TMEM169: variants seen among roughly 807,000 people sequenced by gnomAD.
The protein encoded by TMEM169 is transmembrane protein 169.
TMEM169 carries 18 observed loss-of-function variants against 27.3 expected under a neutral mutation model. That is an observed-to-expected ratio of 0.66 (90% CI 0.46 to 0.98). The LOEUF is 0.98. Ranked by LOEUF, TMEM169 falls within the 50% of genes least tolerant of loss-of-function variation. TMEM169 has a pLI of 0.00. For missense variants in TMEM169, 320 were observed against 368.6 expected (o/e 0.87, Z 1.08); for synonymous variants, 136 against 142.1 (o/e 0.96, Z 0.30).
At chr2:216,087,708 T>C (rs1559225196) in intron 1 of TMEM169, among the ~76,000 whole-genome samples, 2 of 152,194 alleles carry the variant, frequency 1.3e-5, no homozygotes, top group African/African-American at 4.8e-5. Flanking sequence ...ATAATAAAGG[T>C]ACCTACTTCA....
At position 216,100,070 on chromosome 2, in the gene TMEM169, A is replaced by C. The variant is rs542724514; in HGVS notation, c.422A>C (p.Glu141Ala). The change falls in exon 3 of 3, where the codon GAA (glutamate) becomes GCA (alanine). Residue 141 changes from glutamate (E) to alanine (A), a missense_variant. Glu to Ala is a moderately radical substitution (Grantham distance 107). Transcript: ENST00000437356. The part of the protein sequence containing the change: ...ELTKPKESSR[E>A]TTPEGRMACQ... ...ACCAAACCTAAAGAGTCATCAAGGG[A>C]AACGACGCCTGAAGGAAGAATGGCC... 6.2e-7 allele frequency: 1 copy of C among 1,614,180 alleles called. No homozygotes were observed. Among genetic ancestry groups the C allele is most frequent in the South Asian group, 1.1e-5 (1 of 91,082 alleles).
intron 1 of TMEM169, among the ~76,000 whole-genome samples, chr2:216,095,109 C>CTTTCTTTTTTTTTTTTTT (rs751748269): frequency 9.1e-6 from 1 of 110,484 alleles, no homozygotes; most frequent in Non-Finnish European, 1.7e-5. Flanking sequence ...TTTTTTCTTT[C>CTTTCTTTTTTTTTTTTTT]TTTTTTTTTT....
chr2:216,088,275 C>A (rs1207292334), intron 1 of TMEM169, among the ~76,000 whole-genome samples: 1 of 151,862 alleles, frequency 6.6e-6, no homozygotes, highest in Non-Finnish European at 1.5e-5. Context: ...CTGGCTAACA[C>A]GGTGAAACCC....
chr2:216,085,096 TCTC>T (rs1695965772), intron 1 of TMEM169, among the ~76,000 whole-genome samples: 1 of 152,150 alleles, frequency 6.6e-6, no homozygotes, highest in Non-Finnish European at 1.5e-5. Flanking sequence ...TTCAAACAAT[TCTC>T]CTGCCTCAGC....
At chr2:216,085,128 G>T (rs544103956) in intron 1 of TMEM169, among the ~76,000 whole-genome samples, 9 of 152,262 alleles carry the variant, frequency 5.9e-5, no homozygotes, top group African/African-American at 2.2e-4. Flanking sequence ...AAGCTGAGAC[G>T]ACAGGTGCGC....
At chr2:216,087,985 C>A (rs979808616) in intron 1 of TMEM169, among the ~76,000 whole-genome samples, 6 of 151,792 alleles carry the variant, frequency 4.0e-5, no homozygotes, top group Middle Eastern at 3.4e-3. Context: ...ATGGTGAAAC[C>A]CTGTCTGTAC....
intron 1 of TMEM169, among the ~76,000 whole-genome samples, chr2:216,085,988 T>C (rs1172378774): frequency 6.6e-6 from 1 of 152,132 alleles, no homozygotes; most frequent in East Asian, 1.9e-4. Context: ...TAAAAACCTG[T>C]TTTCCCTCCT....
At chr2:216,085,807 G>A (rs1695981149) in intron 1 of TMEM169, among the ~76,000 whole-genome samples, 1 of 151,658 alleles carries the variant, frequency 6.6e-6, no homozygotes, top group Non-Finnish European at 1.5e-5. Context: ...GGAGGCAGAA[G>A]TTGTGGTGAG....
At position 216,096,261 on chromosome 2, in the gene TMEM169, A is replaced by C. The variant is rs375885920; in HGVS notation, c.271+27A>C. On this transcript the variant is annotated intron_variant, in intron 2 of 2. Transcript: ENST00000437356. ...TAAGTCTCTCTAGCCCACTTGTTTA[A>C]AGCCATGGGAAGGAAACCAAAAGGG... The C allele has an allele frequency of 1.3e-5, 20 of 1,594,222 alleles. No individual in the cohort carries two copies. In the African/African-American group the frequency reaches 2.6e-4, roughly 20 times the overall value.
intron 1 of TMEM169, among the ~76,000 whole-genome samples, chr2:216,090,615 T>C (rs1696100183): frequency 6.6e-6 from 1 of 152,100 alleles, no homozygotes; most frequent in Admixed American, 6.5e-5. Flanking sequence ...CACAGAATAC[T>C]AAAAGGTTCA....
At chr2:216,087,167 C>T (rs1232717064) in intron 1 of TMEM169, among the ~76,000 whole-genome samples, 2 of 104,886 alleles carry the variant, frequency 1.9e-5, no homozygotes, top group Admixed American at 1.2e-4. Context: ...AGTCACGTTG[C>T]AGGAAAGGGA....
chr2:216,096,073 T>C lies in TMEM169; in HGVS notation c.110T>C (p.Met37Thr). The change falls in exon 2 of 3, where the codon ATG becomes ACG. Residue 37 changes from methionine to threonine, a missense_variant. Met to Thr is a moderately conservative substitution (Grantham distance 81, BLOSUM62 -1). Coordinates refer to ENST00000437356, the MANE Select transcript of TMEM169 (RefSeq NM_001142311.2). ...AALALDGEST[M>T]GHRKKKRKES... The stretch of plus-strand genomic sequence containing the variant: ...CTGGCGCTGGATGGGGAATCCACAA[T>C]GGGGCACAGGAAAAAGAAGAGGAAA... The C allele has an allele frequency of 6.2e-7, 1 of 1,614,132 alleles. No individual in the cohort carries two copies. Among genetic ancestry groups the C allele is most frequent in the East Asian group, 2.2e-5 (1 of 44,878 alleles).
At chr2:216,082,041 CAAAA>C in intron 1 of TMEM169, 62 bp downstream of exon 1, 2 of 248,666 alleles carry the variant, frequency 8.0e-6, no homozygotes, top group South Asian at 5.0e-5. Context: ...AAGGGAAATG[CAAAA>C]AAAAAAAAAG....
rs547450594 is a variant in TMEM169, at chr2:216,099,219, G to C, written c.272-701G>C. The stretch of plus-strand genomic sequence containing the variant: ...GTGTGTGGTGTATGTGTTATGTATG[G>C]TGTTTGGTATATGTGGTGTGGGTAT... On this transcript the variant is annotated intron_variant, in intron 2 of 2. Transcript: ENST00000437356. This position sits in a 1 kb window ranked among gnomAD's most constrained non-coding sequence, Gnocchi z 5.0. Among the ~76,000 whole-genome samples the C allele has an allele frequency of 6.6e-6, 1 of 150,846 alleles. No individual in the cohort carries two copies. Among genetic ancestry groups the C allele is most frequent in the Non-Finnish European group, 1.5e-5 (1 of 67,498 alleles).
intron 1 of TMEM169, among the ~76,000 whole-genome samples, chr2:216,085,128 G>A (rs544103956): frequency 2.0e-5 from 3 of 152,144 alleles, no homozygotes; most frequent in Non-Finnish European, 4.4e-5. Flanking sequence ...AAGCTGAGAC[G>A]ACAGGTGCGC....
intron 1 of TMEM169, among the ~76,000 whole-genome samples, chr2:216,088,018 A>G (rs828919): frequency 0.97 from 147,573 of 152,002 alleles, 71,670 homozygotes; most frequent in East Asian, 1. Context: ...AATTAATTGC[A>G]CATGGTGGTG....
rs1423990439 is a variant in TMEM169, at chr2:216,099,333, T to C, written c.272-587T>C. On this transcript the variant is annotated intron_variant, in intron 2 of 2. Transcript: ENST00000437356. The surrounding 1 kb of genome is among the most constrained non-coding windows in gnomAD (Gnocchi z 5.0). ...TGTAGTGTGTGTATGTGGTACGTGA[T>C]TGGGAGGTGGCATGTGTATGTGTGT... 6.6e-6 allele frequency among the ~76,000 whole-genome samples: 1 copy of C among 150,968 alleles called. No individual in the cohort carries two copies. Among genetic ancestry groups the C allele is most frequent in the Non-Finnish European group, 1.5e-5 (1 of 67,688 alleles).
In TMEM169 at chr2:216,100,644, C is replaced by A. The variant is rs1453964019; in HGVS notation, c.*102C>A. ...AAATTACCCCCTACTCTCCGCAGTT[C>A]TTCTGGGAAATCAGAGTCCATACTG... On this transcript the variant is annotated 3_prime_UTR_variant, in exon 3 of 3. Transcript: ENST00000437356. 6.7e-7 allele frequency: 1 copy of A among 1,498,816 alleles called. No homozygotes were observed. Among genetic ancestry groups the A allele is most frequent in the Non-Finnish European group, 9.1e-7 (1 of 1,103,050 alleles). 92.8% of individuals were successfully genotyped at this position (1,498,816 alleles called of 1,614,324 possible). A position where few individuals can be genotyped will look rare whatever the true frequency, so the allele number is the denominator to read the frequency against.
At chr2:216,096,770 A>G (rs1448314730) in intron 2 of TMEM169, among the ~76,000 whole-genome samples, 1 of 152,244 alleles carries the variant, frequency 6.6e-6, no homozygotes, top group Non-Finnish European at 1.5e-5. Flanking sequence ...TCCTAATGAA[A>G]TGGAAGAGGC....
Sources: gnomAD v4.1 joint callset for allele counts (sites outside exome capture counted in the v4.1 genomes callset) on GRCh38, gnomAD v4.1.1 for gene constraint, Gnocchi (gnomAD v3.1) non-coding constraint, MANE v1.5 for transcripts, NCBI Gene and HGNC (gene_info 2026-07-23, HGNC 2026-07-21) for gene names.